The following SIN3B variants were observed in gnomAD, a reference collection of about 807,000 sequenced individuals.
SIN3B encodes SIN3 transcription regulator family member B, also known as paired amphipathic helix protein Sin3b.
In SIN3B, 19 loss-of-function variants were observed where a neutral mutation model predicts 120.2. The ratio of observed to expected loss-of-function variants is 0.16; its 90% confidence interval spans 0.11 to 0.23. The LOEUF is 0.23. SIN3B is among the 10% of genes least tolerant of loss of function. The pLI is 1.00. For missense variants in SIN3B, 1,073 were observed against 1,573.0 expected (o/e 0.68, Z 5.38); for synonymous variants, 654 against 653.2 (o/e 1.00, Z -0.02).
At position 16,871,238 on chromosome 19, in the gene SIN3B, A is replaced by G; in HGVS notation, c.2432A>G (p.Glu811Gly). The G allele has an allele frequency of 6.2e-7, 1 of 1,614,128 alleles. No individual in the cohort carries two copies. Among genetic ancestry groups the G allele is most frequent in the Non-Finnish European group, 8.5e-7 (1 of 1,180,000 alleles). ...ELRLKQPSEV[E>G]LEEYYPAFLD... ...CGGTGTGTCTCCGCAGGTGAAGTGGAGCTGGAGGAGTACTACCCGGCCTTC... is the reference window on the plus strand; with the variant it reads ...CGGTGTGTCTCCGCAGGTGAAGTGGGGCTGGAGGAGTACTACCCGGCCTTC... The change falls in exon 14 of 19, where the codon GAG becomes GGG. Residue 811 changes from glutamate (E) to glycine (G), a missense_variant. Physicochemically the swap from Glu to Gly is moderately conservative, Grantham distance 98. Transcript: ENST00000248054.
intron 12 of SIN3B, among the ~76,000 whole-genome samples, chr19:16,867,632 G>T (rs985953579): frequency 6.6e-6 from 1 of 152,214 alleles, no homozygotes; most frequent in African/African-American, 2.4e-5. Context: ...TGGGCAGGGG[G>T]TGTTGCCTCA....
At chr19:16,829,652 A>C in intron 1 of SIN3B, 112 bp downstream of exon 1, 3 of 787,596 alleles carry the variant, frequency 3.8e-6, no homozygotes, top group South Asian at 3.3e-5. Flanking sequence ...TCCCCTCTGC[A>C]CTGCCCCGGA....
At chr19:16,832,191 CTT>C (rs10528185) in intron 3 of SIN3B, among the ~76,000 whole-genome samples, 48 of 125,452 alleles carry the variant, frequency 3.8e-4, no homozygotes, top group African/African-American at 1.3e-3. Context: ...TGCTGGCCCT[CTT>C]TTTTTTTTTT....
intron 13 of SIN3B, among the ~76,000 whole-genome samples, chr19:16,870,353 G>A (rs1453309353): frequency 2.0e-5 from 3 of 151,838 alleles, no homozygotes; most frequent in Admixed American, 6.5e-5. Context: ...TCGTGGAGCC[G>A]TCATGGCCCA....
intron 3 of SIN3B, among the ~76,000 whole-genome samples, chr19:16,840,747 C>G (rs575663517): frequency 2.0e-5 from 3 of 152,240 alleles, no homozygotes; most frequent in Non-Finnish European, 4.4e-5. Context: ...GAAGCTCACT[C>G]TGTTTCTCAC....
In SIN3B at chr19:16,879,066, T is replaced by G. The variant is rs2051656690; in HGVS notation, c.*339T>G. On this transcript the variant is annotated 3_prime_UTR_variant, in exon 19 of 19. Transcript: ENST00000248054. ...GGCAGATGGCTCCTGCCCCATATTC[T>G]TGCCGTGTCTTGGAAAAGTCACAGG... The G allele has an allele frequency of 3.0e-6, 1 of 336,300 alleles. No individual in the cohort carries two copies. The highest frequency in any genetic ancestry group is 5.5e-6 in the Non-Finnish European group (1 of 183,084). 20.8% of individuals were successfully genotyped at this position (336,300 alleles called of 1,614,324 possible).
intron 8 of SIN3B, among the ~76,000 whole-genome samples, chr19:16,861,789 G>T (rs1002210653): frequency 3.3e-5 from 5 of 150,490 alleles, no homozygotes; most frequent in Non-Finnish European, 4.4e-5. Flanking sequence ...AAAAAATTTA[G>T]CCGGGTGTGG....
rs759709746 is a variant in SIN3B at position 16,876,187 on chromosome 19, T to C, written c.2725T>C (p.Trp909Arg). ...CGCTGCTAGGGAGACCAGCTACCAGTGGAAGGCTGAGCGCTGCATGGCCGA... is the reference window on the plus strand; with the variant it reads ...CGCTGCTAGGGAGACCAGCTACCAGCGGAAGGCTGAGCGCTGCATGGCCGA... ...VRAARETSYQ[W>R]KAERCMADEN... Residue 909 changes from tryptophan (W) to arginine (R), a missense_variant, in exon 15 of 19, where the codon TGG becomes CGG. This residue lies in a region of SIN3B where 311 missense variants were observed against 400.3 expected (regional missense o/e 0.78). Coordinates refer to ENST00000248054, the MANE Select transcript of SIN3B (RefSeq NM_001297595.2). This position sits in a 1 kb window ranked among gnomAD's most constrained non-coding sequence, Gnocchi z 7.1. 10 of 1,613,194 alleles carry C rather than the reference T, an allele frequency of 6.2e-6. No individual in the cohort carries two copies. The South Asian group carries it at 1.1e-4, about 18-fold the overall frequency.
chr19:16,874,734 GT>G (rs1176685371), intron 14 of SIN3B, among the ~76,000 whole-genome samples: 13 of 151,804 alleles, frequency 8.6e-5, no homozygotes, highest in Admixed American at 6.5e-4. Context: ...GTCTGGTCTG[GT>G]TTTGGTATGG....
chr19:16,852,727 G>A (rs778372563), intron 6 of SIN3B, among the ~76,000 whole-genome samples: 21 of 152,152 alleles, frequency 1.4e-4, no homozygotes, highest in Non-Finnish European at 2.6e-4. Context: ...GCTTCTTGTT[G>A]CTGTCTTGGC....
chr19:16,863,332 A>ACGACCACCG, intron 9 of SIN3B: 2 of 377,014 alleles, frequency 5.3e-6, no homozygotes, highest in Non-Finnish European at 9.5e-6. Context: ...GCAGTGTAAC[A>ACGACCACCG]ATGATCTACA....
intron 4 of SIN3B, among the ~76,000 whole-genome samples, chr19:16,842,782 G>A (rs1017247815): frequency 6.6e-6 from 1 of 152,316 alleles, no homozygotes; most frequent in South Asian, 2.1e-4. Flanking sequence ...GTGAGTCAGG[G>A]TTAATATGAT....
At chr19:16,834,219 G>A (rs1043658367) in intron 3 of SIN3B, among the ~76,000 whole-genome samples, 12 of 152,304 alleles carry the variant, frequency 7.9e-5, no homozygotes, top group South Asian at 6.2e-4. Flanking sequence ...CAATAGCAGC[G>A]TCCACCAGAG....
rs1474054179 is a variant in SIN3B, at chr19:16,862,053, C to T, written c.1059-299C>T. On this transcript the variant is annotated intron_variant, in intron 8 of 18. Coordinates refer to ENST00000248054, the MANE Select transcript of SIN3B (RefSeq NM_001297595.2). This position sits in a 1 kb window ranked among gnomAD's most constrained non-coding sequence, Gnocchi z 4.7. ...CAGGGAACATCAGGGGTTCCAGCTTCTGCCAGTTTAAGTCATCTTTTCTGG... is the reference window on the plus strand; with the variant it reads ...CAGGGAACATCAGGGGTTCCAGCTTTTGCCAGTTTAAGTCATCTTTTCTGG... 2.0e-5 allele frequency among the ~76,000 whole-genome samples: 3 copies of T among 152,230 alleles called. No individual in the cohort carries two copies. The highest frequency in any genetic ancestry group is 7.2e-5 in the African/African-American group (3 of 41,454).
chr19:16,865,374 C>T (rs1268684132), intron 10 of SIN3B, 36 bp from the exon 11 acceptor site: 2 of 1,489,796 alleles, frequency 1.3e-6, no homozygotes, highest in East Asian at 2.3e-5. Context: ...CTTGAGTTCC[C>T]CAGTGGCTGA....
chr19:16,876,346 C>T lies in SIN3B; in HGVS notation c.2766+118C>T, dbSNP rs1185402083. 7.2e-7 allele frequency: 1 copy of T among 1,388,358 alleles called. No individual in the cohort carries two copies. Among genetic ancestry groups the T allele is most frequent in the African/African-American group, 1.4e-5 (1 of 70,726 alleles). 86.0% of individuals were successfully genotyped at this position (1,388,358 alleles called of 1,614,324 possible). A position where few individuals can be genotyped will look rare whatever the true frequency, so the allele number is the denominator to read the frequency against. On this transcript the variant is annotated intron_variant, in intron 15 of 18. Coordinates refer to ENST00000248054, the MANE Select transcript of SIN3B (RefSeq NM_001297595.2). The surrounding 1 kb of genome is among the most constrained non-coding windows in gnomAD (Gnocchi z 7.1). ...TGGGACACCGGCCCTGCTGCAGAGC[C>T]CATGAGGTACCTTTGACCTGCAGGA...
chr19:16,851,320 G>A, intron 5 of SIN3B, 92 bp from the exon 6 acceptor site: 1 of 1,436,434 alleles, frequency 7.0e-7, no homozygotes, highest in Non-Finnish European at 9.3e-7. Context: ...TGCCCACCGG[G>A]CTGTGGGCTG....
intron 4 of SIN3B, 117 bp from the exon 5 acceptor site, chr19:16,846,853 G>A: frequency 8.9e-7 from 1 of 1,118,792 alleles, no homozygotes; most frequent in Non-Finnish European, 1.3e-6. Context: ...CCTGCGGGCA[G>A]GTGCTCTTTC....
chr19:16,871,220 T>C lies in SIN3B; in HGVS notation c.2423-9T>C. 1.2e-6 allele frequency: 2 copies of C among 1,614,016 alleles called. No homozygotes were observed. Among genetic ancestry groups the C allele is most frequent in the Non-Finnish European group, 1.7e-6 (2 of 1,179,914 alleles). On this transcript the variant is annotated splice_polypyrimidine_tract_variant and intron_variant, in intron 13 of 18. Coordinates refer to ENST00000248054, the MANE Select transcript of SIN3B (RefSeq NM_001297595.2). ...GGAGGCATATGGATGAGGCGGTGTGTCTCCGCAGGTGAAGTGGAGCTGGAG... is the reference window on the plus strand; with the variant it reads ...GGAGGCATATGGATGAGGCGGTGTGCCTCCGCAGGTGAAGTGGAGCTGGAG...
Sources: allele counts gnomAD v4.1 joint callset (sites outside exome capture counted in the v4.1 genomes callset), GRCh38; gene constraint gnomAD v4.1.1; regional missense constraint gnomAD v4.1.1; non-coding constraint Gnocchi (gnomAD v3.1); transcripts MANE v1.5; gene names NCBI Gene and HGNC (gene_info 2026-07-23, HGNC 2026-07-21).